NSUN6: variants seen among roughly 807,000 people sequenced by gnomAD.
The protein encoded by NSUN6 is tRNA (cytosine(72)-C(5))-methyltransferase NSUN6.
NSUN6 carries 64 observed loss-of-function variants against 58.0 expected under a neutral mutation model. That is an observed-to-expected ratio of 1.10 (90% confidence interval 0.90 to 1.36). The LOEUF (loss-of-function observed/expected upper bound fraction) is 1.36, where lower values mean the gene tolerates loss of function less well. Among genes scored for constraint, NSUN6 ranks in the 40% most tolerant of loss-of-function variants. The pLI, the probability that NSUN6 is intolerant of heterozygous loss-of-function variation, is 0.00. For missense variants in NSUN6, 701 were observed against 550.1 expected (o/e 1.27, Z -2.74); for synonymous variants, 231 against 193.9 (o/e 1.19, Z -1.59).
At chr10:18,559,701 G>A (rs1369816916) in intron 8 of NSUN6, among the ~76,000 whole-genome samples, 1 of 151,294 alleles carries the variant, frequency 6.6e-6, no homozygotes, top group Non-Finnish European at 1.5e-5. Flanking sequence ...AATATGGAAT[G>A]CAATGAAGAA....
At chr10:18,589,854 CG>C (rs1177768524) in intron 7 of NSUN6, among the ~76,000 whole-genome samples, 11 of 152,124 alleles carry the variant, frequency 7.2e-5, no homozygotes, top group Non-Finnish European at 1.2e-4. Flanking sequence ...CATCAACTAA[CG>C]CGCAAAATAA....
intron 3 of NSUN6, among the ~76,000 whole-genome samples, chr10:18,622,712 G>A (rs1439343650): frequency 2.0e-5 from 3 of 152,126 alleles, no homozygotes; most frequent in Non-Finnish European, 4.4e-5. Flanking sequence ...TCCGCCTTGG[G>A]GGGAAAAAGA....
chr10:18,637,923 T>C (rs1168894719), intron 3 of NSUN6, among the ~76,000 whole-genome samples: 3 of 152,202 alleles, frequency 2.0e-5, no homozygotes, highest in Admixed American at 6.5e-5. Context: ...ACATGTGCAT[T>C]CATGTATGCA....
chr10:18,552,674 T>TCCATTCCATTCCATTCC (rs1359868042), intron 8 of NSUN6, among the ~76,000 whole-genome samples: 1 of 151,644 alleles, frequency 6.6e-6, no homozygotes, highest in African/African-American at 2.4e-5. Flanking sequence ...CATTCTCCAT[T>TCCATTCCATTCCATTCC]CCATTCCATT....
chr10:18,625,760 A>G (rs867386973), intron 3 of NSUN6, among the ~76,000 whole-genome samples: 3 of 149,138 alleles, frequency 2.0e-5, no homozygotes, highest in African/African-American at 7.3e-5. Context: ...ATAAAGAACT[A>G]AGAGGAAATA....
Position 18,559,320 on chromosome 10 carries a change from G to A in NSUN6, c.923-7349C>T, listed in dbSNP as rs1032265314. On this transcript the variant is annotated intron_variant, in intron 8 of 10. Transcript: ENST00000377304. ...GGAGAATGGAATGAAATGGAATGGAGAATGGGATGGAATGGAGAATTGATT... is the reference window on the plus strand; with the variant it reads ...GGAGAATGGAATGAAATGGAATGGAAAATGGGATGGAATGGAGAATTGATT... 5.3e-5 allele frequency among the ~76,000 whole-genome samples: 8 copies of A among 150,664 alleles called. No homozygotes were observed. The South Asian group carries it at 1.5e-3, about 28-fold the overall frequency.
In NSUN6 at chr10:18,602,531, G is replaced by A. The variant is rs149913760; in HGVS notation, c.658-6204C>T. On this transcript the variant is annotated intron_variant, in intron 6 of 10. Coordinates refer to ENST00000377304, the MANE Select transcript of NSUN6 (RefSeq NM_182543.5). ...TTACAGGCGTAACCCACCGCACCCG[G>A]CCTAATTTTTGTATTTTTAGTAGAG... Among the ~76,000 whole-genome samples, 1,262 of 151,408 alleles carry A rather than the reference G, an allele frequency of 8.3e-3. 14 individuals are homozygous for A. The highest frequency in any genetic ancestry group is 0.033 in the South Asian group (159 of 4,786).
intron 8 of NSUN6, among the ~76,000 whole-genome samples, chr10:18,577,143 T>C (rs1159680051): frequency 6.6e-6 from 1 of 152,160 alleles, no homozygotes; most frequent in Non-Finnish European, 1.5e-5. Context: ...AGCTGAGCAA[T>C]TAGGGGCTAC....
chr10:18,585,908 A>G (rs763440736), intron 8 of NSUN6, 41 bp downstream of exon 8: 3 of 1,466,202 alleles, frequency 2.0e-6, no homozygotes, highest in Non-Finnish European at 2.8e-6. Context: ...CCACAAATAT[A>G]TGATCTGTCA....
chr10:18,637,119 C>T (rs961124476), intron 3 of NSUN6, among the ~76,000 whole-genome samples: 2 of 151,790 alleles, frequency 1.3e-5, no homozygotes, highest in African/African-American at 2.4e-5. Context: ...TGCACCACCA[C>T]ACCCAGATAA....
rs773202318 is a variant in NSUN6 at position 18,546,140 on chromosome 10, C to T, written c.1203G>A (p.Pro401=). The T allele has an allele frequency of 8.1e-6, 13 of 1,608,862 alleles. No homozygotes were observed. The highest frequency in any genetic ancestry group is 3.3e-5 in the Admixed American group (2 of 59,976). ...CCCTCATTCCTTCTCCTCCAATCTGCGGTTCCTGTTTGGAGAAAGTGGATC... is the reference window on the plus strand; with the variant it reads ...CCCTCATTCCTTCTCCTCCAATCTGTGGTTCCTGTTTGGAGAAAGTGGATC... ...FPCLQLQPQE[P]QIGGEGMRGA... The change falls in exon 11 of 11, where the codon CCG becomes CCA. Residue 401 remains proline, a synonymous_variant. Transcript: ENST00000377304.
At chr10:18,658,564 G>C (rs534240416), upstream of NSUN6, 142 of 449,938 alleles carry the variant, frequency 3.2e-4, no homozygotes, top group Non-Finnish European at 4.1e-4. Flanking sequence ...ACTTCGATCT[G>C]GGATCCACGA....
chr10:18,617,405 C>T (rs2058452494), intron 3 of NSUN6, among the ~76,000 whole-genome samples: 1 of 152,048 alleles, frequency 6.6e-6, no homozygotes, highest in African/African-American at 2.4e-5. Context: ...CCAGGTGGGT[C>T]TCGAACTCCT....
At chr10:18,567,383 C>T (rs1218293310) in intron 8 of NSUN6, among the ~76,000 whole-genome samples, 1 of 148,242 alleles carries the variant, frequency 6.7e-6, no homozygotes, top group Non-Finnish European at 1.5e-5. Flanking sequence ...TTTTCCATTC[C>T]ATTCCATACC....
chr10:18,621,540 A>G (rs2058606499), intron 3 of NSUN6, among the ~76,000 whole-genome samples: 1 of 152,226 alleles, frequency 6.6e-6, no homozygotes, highest in Non-Finnish European at 1.5e-5. Flanking sequence ...GGAAAACTAA[A>G]AGAGCAAACG....
At chr10:18,644,501 CTT>C (rs35934175) in intron 2 of NSUN6, among the ~76,000 whole-genome samples, 2 of 146,466 alleles carry the variant, frequency 1.4e-5, no homozygotes. Context: ...TAAGGTATGT[CTT>C]TTTTTTTTTT....
intron 6 of NSUN6, among the ~76,000 whole-genome samples, chr10:18,605,185 G>A (rs180696620): frequency 2.5e-4 from 37 of 148,536 alleles, no homozygotes; most frequent in African/African-American, 8.2e-4. Context: ...GTGCCTAGCC[G>A]AGACTCCCTT....
chr10:18,647,514 C>CA (rs569363993), intron 2 of NSUN6, among the ~76,000 whole-genome samples: 1 of 151,886 alleles, frequency 6.6e-6, no homozygotes, highest in Non-Finnish European at 1.5e-5. Flanking sequence ...CAAGATAACT[C>CA]AAAAAAATAT....
intron 3 of NSUN6, among the ~76,000 whole-genome samples, chr10:18,642,122 A>G (rs2059407126): frequency 6.6e-6 from 1 of 152,164 alleles, no homozygotes; most frequent in South Asian, 2.1e-4. Context: ...AGGTTACTCT[A>G]TATTTTTGTT....
Sources: allele counts gnomAD v4.1 joint callset (sites outside exome capture counted in the v4.1 genomes callset), GRCh38; gene constraint gnomAD v4.1.1; transcripts MANE v1.5; gene names NCBI Gene and HGNC (gene_info 2026-07-23, HGNC 2026-07-21).